Variants in ARB2A observed in about 807,000 individuals in gnomAD.
ARB2A encodes the protein cotranscriptional regulator ARB2A.
At chr5:93,912,089 A>G in the ARB2A span, among the ~76,000 whole-genome samples, 1 of 151,774 alleles carries the variant, frequency 6.6e-6, no homozygotes, top group Admixed American at 6.6e-5. Flanking sequence ...GACTAAAAAA[A>G]TCAATTCTAG....
At chr5:93,874,707 G>A in the ARB2A span, among the ~76,000 whole-genome samples, 1 of 152,106 alleles carries the variant, frequency 6.6e-6, no homozygotes, top group Non-Finnish European at 1.5e-5. Context: ...GGCTCCTCCA[G>A]GACTTGTGAC....
chr5:93,824,695 A>G, the ARB2A span, among the ~76,000 whole-genome samples: 23 of 152,160 alleles, frequency 1.5e-4, no homozygotes, highest in Non-Finnish European at 2.9e-4. Context: ...GAAGGAGCCA[A>G]ATCAGGACTG....
the ARB2A span, among the ~76,000 whole-genome samples, chr5:94,053,772 C>CT: frequency 6.6e-6 from 1 of 151,258 alleles, no homozygotes; most frequent in African/African-American, 2.5e-5. Context: ...TTTTCTTTTT[C>CT]TTTTTTCTTT....
the ARB2A span, among the ~76,000 whole-genome samples, chr5:93,868,801 T>C: frequency 6.6e-6 from 1 of 152,194 alleles, no homozygotes; most frequent in Admixed American, 6.5e-5. Context: ...ACAATAGTCT[T>C]AGAATAAACT....
the ARB2A span, among the ~76,000 whole-genome samples, chr5:93,780,922 T>C: frequency 6.6e-6 from 1 of 152,194 alleles, no homozygotes; most frequent in Non-Finnish European, 1.5e-5. Flanking sequence ...AATACAATAA[T>C]ATATTACTTA....
chr5:93,699,468 C>G, the ARB2A span, among the ~76,000 whole-genome samples: 2 of 152,114 alleles, frequency 1.3e-5, no homozygotes, highest in Non-Finnish European at 2.9e-5. Flanking sequence ...TATTCACTAA[C>G]CATTAATATA....
At chr5:94,053,619 A>G in the ARB2A span, among the ~76,000 whole-genome samples, 1 of 152,222 alleles carries the variant, frequency 6.6e-6, no homozygotes, top group African/African-American at 2.4e-5. Context: ...ATAAATGTAA[A>G]TAGTATTAAT....
chr5:94,037,209 T>C, the ARB2A span, among the ~76,000 whole-genome samples: 1 of 152,146 alleles, frequency 6.6e-6, no homozygotes, highest in African/African-American at 2.4e-5. Context: ...CATGGAAAAT[T>C]ATGTCAGCAA....
the ARB2A span, among the ~76,000 whole-genome samples, chr5:94,096,843 A>G: frequency 6.6e-6 from 1 of 152,204 alleles, no homozygotes; most frequent in East Asian, 1.9e-4. Context: ...CTGGGAACTC[A>G]ACACAGGGTT....
chr5:93,673,225 C>T, the ARB2A span, among the ~76,000 whole-genome samples: 3 of 152,150 alleles, frequency 2.0e-5, no homozygotes, highest in African/African-American at 7.2e-5. Flanking sequence ...TTTTAAGCAG[C>T]ACTGCTTACT....
the ARB2A span, among the ~76,000 whole-genome samples, chr5:93,661,683 CATA>C: frequency 2.6e-5 from 4 of 151,926 alleles, no homozygotes; most frequent in Admixed American, 6.6e-5. Flanking sequence ...AAAAAACTCT[CATA>C]ATGTTTTTAA....
chr5:93,682,253 A>C, the ARB2A span, among the ~76,000 whole-genome samples: 1 of 151,854 alleles, frequency 6.6e-6, no homozygotes, highest in East Asian at 1.9e-4. Context: ...AAAAAAAAAA[A>C]AAAAAAACAT....
chr5:94,057,479 A>G, the ARB2A span, among the ~76,000 whole-genome samples: 1 of 152,200 alleles, frequency 6.6e-6, no homozygotes, highest in Non-Finnish European at 1.5e-5. Context: ...TGACTGCACA[A>G]CAATGTAAAT....
the ARB2A span, among the ~76,000 whole-genome samples, chr5:93,807,971 G>A: frequency 6.6e-6 from 1 of 151,966 alleles, no homozygotes; most frequent in African/African-American, 2.4e-5. Context: ...AAAAGACAAA[G>A]TGATCAATGC....
chr5:93,961,019 T>C, the ARB2A span, among the ~76,000 whole-genome samples: 3 of 151,948 alleles, frequency 2.0e-5, no homozygotes, highest in Non-Finnish European at 2.9e-5. Flanking sequence ...AATAGGAGAA[T>C]TGCTCAGTTA....
the ARB2A span, among the ~76,000 whole-genome samples, chr5:93,960,313 T>C: frequency 6.6e-6 from 1 of 152,126 alleles, no homozygotes; most frequent in Admixed American, 6.6e-5. Flanking sequence ...CACCTTTTCA[T>C]TGAAGCCTTC....
chr5:93,665,593 A>C, the ARB2A span, among the ~76,000 whole-genome samples: 2 of 152,246 alleles, frequency 1.3e-5, no homozygotes, highest in Non-Finnish European at 2.9e-5. Flanking sequence ...AATTTTTATT[A>C]TTTAGAATGT....
chr5:93,825,092 G>A, the ARB2A span, among the ~76,000 whole-genome samples: 1 of 152,260 alleles, frequency 6.6e-6, no homozygotes, highest in African/African-American at 2.4e-5. Flanking sequence ...TCAAAGAAAT[G>A]TTTACTTTGA....
chr5:93,620,757 C>T, the ARB2A span: 43 of 441,066 alleles, frequency 9.7e-5, no homozygotes, highest in Non-Finnish European at 1.4e-4. Context: ...TGACTGGCAG[C>T]GCTCAGCCCG....
Sources: gnomAD v4.1 joint callset for allele counts (sites outside exome capture counted in the v4.1 genomes callset) on GRCh38, gnomAD v4.1.1 for gene constraint, MANE v1.5 for transcripts, NCBI Gene and HGNC (gene_info 2026-07-23, HGNC 2026-07-21) for gene names.